The following MYH11 variants were observed in gnomAD, a reference collection of about 807,000 sequenced individuals.
MYH11 encodes myosin heavy chain 11, also known as myosin-11.
Under a neutral mutation model 246.6 loss-of-function variants are expected in MYH11, and 80 were observed. The ratio of observed to expected loss-of-function variants is 0.32; its 90% CI spans 0.27 to 0.39. The LOEUF is 0.39. Ranked by LOEUF, MYH11 falls within the 10% of genes least tolerant of loss-of-function variation. The pLI is 1.00. For missense variants in MYH11, 2,158 were observed against 2,546.8 expected (o/e 0.85, Z 3.29); for synonymous variants, 1,071 against 1,015.5 (o/e 1.05, Z -1.04).
intron 2 of MYH11, 142 bp from the exon 3 acceptor site, chr16:15,823,553 A>AG: frequency 2.8e-6 from 3 of 1,067,272 alleles, no homozygotes; most frequent in Non-Finnish European, 4.3e-6. Context: ...CTGATATTCC[A>AG]GGTACGTGGG....
At chr16:15,804,692 C>T (rs1017361991) in intron 3 of MYH11, among the ~76,000 whole-genome samples, 2 of 152,128 alleles carry the variant, frequency 1.3e-5, no homozygotes, top group Non-Finnish European at 2.9e-5. Flanking sequence ...CCCTTGCAAC[C>T]GCCAATTTGC....
chr16:15,790,580 A>G lies in MYH11; in HGVS notation c.531-3848T>C, dbSNP rs2042585549. On this transcript the variant is annotated intron_variant, in intron 4 of 40. Coordinates refer to ENST00000300036, the MANE Select transcript of MYH11 (RefSeq NM_002474.3). The stretch of plus-strand genomic sequence containing the variant: ...TTGATGTGCTTAGAGCTGGTTCTAG[A>G]AACATTCATAGCTTGGCTTTTCTGA... 2.6e-5 allele frequency among the ~76,000 whole-genome samples: 4 copies of G among 152,256 alleles called. No individual in the cohort carries two copies. In the South Asian group the frequency reaches 8.3e-4, roughly 32 times the overall value.
At chr16:15,829,251 A>G (rs1442084281) in intron 2 of MYH11, among the ~76,000 whole-genome samples, 4 of 152,142 alleles carry the variant, frequency 2.6e-5, no homozygotes, top group Non-Finnish European at 4.4e-5. Context: ...TTTCAACTCC[A>G]TCACTAGCTT....
In MYH11 at chr16:15,838,114, C is replaced by T; in HGVS notation, c.139G>A (p.Ala47Thr). 6.2e-7 allele frequency: 1 copy of T among 1,614,132 alleles called. No homozygotes were observed. The highest frequency in any genetic ancestry group is 8.5e-7 in the Non-Finnish European group (1 of 1,180,026). ...WVPSEKQGFE[A>T]ASIKEEKGDE... ...CCCTTCTCCTCCTTAATGCTGGCTG[C>T]CTCGAAGCCCTGCTTCTCCGAGGGG... Residue 47 changes from alanine (A) to threonine (T), a missense_variant, in exon 2 of 41, where the codon GCA becomes ACA. This residue lies in a region of MYH11 where 96 missense variants were observed against 91.9 expected (regional missense o/e 1.04). Coordinates refer to ENST00000300036, the MANE Select transcript of MYH11 (RefSeq NM_002474.3).
At position 15,706,257 on chromosome 16, in the gene MYH11, A is replaced by G. The variant is rs190425626; in HGVS notation, c.5787-2134T>C. Among the ~76,000 whole-genome samples the G allele has an allele frequency of 5.1e-3, 770 of 152,212 alleles. 19 individuals are homozygous for G. Among genetic ancestry groups the G allele is most frequent in the Admixed American group, 0.046 (706 of 15,280 alleles). ...GAACTCTCCATCCTTCTCTCTCTAG[A>G]TGTGACCCTTAAGTCTTTTTCTTTT... is the stretch of plus-strand genomic sequence containing the variant. On this transcript the variant is annotated intron_variant, in intron 40 of 40. Coordinates refer to ENST00000300036, the MANE Select transcript of MYH11 (RefSeq NM_002474.3).
At chr16:15,835,549 C>T (rs1163210163) in intron 2 of MYH11, among the ~76,000 whole-genome samples, 1 of 152,090 alleles carries the variant, frequency 6.6e-6, no homozygotes, top group Non-Finnish European at 1.5e-5. Flanking sequence ...GCAAAATGTA[C>T]AGACCAGAAC....
intron 4 of MYH11, among the ~76,000 whole-genome samples, chr16:15,787,290 C>T (rs1027091322): frequency 6.6e-6 from 1 of 151,768 alleles, no homozygotes; most frequent in Non-Finnish European, 1.5e-5. Flanking sequence ...TGCCTGTAGT[C>T]CCAGCTACTC....
Position 15,745,179 on chromosome 16 carries a change from C to T in MYH11, c.2470G>A (p.Ala824Thr), listed in dbSNP as rs773612208. The T allele has an allele frequency of 5.6e-6, 9 of 1,613,980 alleles. No homozygotes were observed. Among genetic ancestry groups the T allele is most frequent in the East Asian group, 2.2e-5 (1 of 44,878 alleles). Reference protein sequence around the residue: ...TAMKVIQRNCAAYLKLRNWQW... With the variant: ...TAMKVIQRNCTAYLKLRNWQW... ...CAGTTCCGCAGCTTGAGGTAGGCGG[C>T]GCAGTTCCTCTGAATCACCTTCATG... The change falls in exon 20 of 41, where the codon GCC becomes ACC. Residue 824 changes from alanine (A) to threonine (T), a missense_variant. Physicochemically the swap from Ala to Thr is moderately conservative, Grantham distance 58 (BLOSUM62 0). Around this residue, in one of 11 missense-constraint regions of MYH11, gnomAD observed 90 missense variants for 144.2 expected, o/e 0.62. Transcript: ENST00000300036.
chr16:15,817,708 G>C (rs2043296850), intron 3 of MYH11, among the ~76,000 whole-genome samples: 1 of 152,044 alleles, frequency 6.6e-6, no homozygotes, highest in African/African-American at 2.4e-5. Context: ...GGCAGCAAAG[G>C]GCTGAGCTCT....
intron 3 of MYH11, among the ~76,000 whole-genome samples, chr16:15,806,583 G>A (rs1648589515): frequency 6.6e-6 from 1 of 152,166 alleles, no homozygotes; most frequent in South Asian, 2.1e-4. Context: ...GGTGTGAACT[G>A]TATCCTTAAA....
At chr16:15,719,466 T>C (rs771480660) in intron 35 of MYH11, 119 bp downstream of exon 35, 15 of 1,541,038 alleles carry the variant, frequency 9.7e-6, no homozygotes, top group Non-Finnish European at 1.3e-5. Context: ...TGTGTCTTTC[T>C]AGACAGGTGG....
intron 4 of MYH11, among the ~76,000 whole-genome samples, chr16:15,792,947 C>T (rs1285225446): frequency 1.3e-5 from 2 of 152,114 alleles, no homozygotes; most frequent in African/African-American, 4.8e-5. Context: ...GTTGGCCAGG[C>T]TGGTCTTGAA....
chr16:15,756,688 C>T (rs939786548), intron 13 of MYH11, among the ~76,000 whole-genome samples, 174 bp from the exon 14 acceptor site: 4 of 152,140 alleles, frequency 2.6e-5, no homozygotes, highest in Non-Finnish European at 5.9e-5. Flanking sequence ...CTTCAAATTA[C>T]CCTGTGCCCA....
chr16:15,832,140 G>A (rs966785994), intron 2 of MYH11, among the ~76,000 whole-genome samples: 4 of 152,034 alleles, frequency 2.6e-5, no homozygotes, highest in Admixed American at 6.6e-5. Context: ...TCTCTAAGGC[G>A]GAAAAATTGT....
intron 6 of MYH11, 93 bp downstream of exon 6, chr16:15,782,292 C>T: frequency 9.5e-7 from 1 of 1,048,744 alleles, no homozygotes; most frequent in South Asian, 1.3e-5. Context: ...GGGTCAGATG[C>T]CCCTCCCACC....
rs142227497 is a variant in MYH11 at position 15,726,889 on chromosome 16, G to C, written c.3817C>G (p.Arg1273Gly). 1 of 1,612,170 alleles carries C rather than the reference G, an allele frequency of 6.2e-7. No individual in the cohort carries two copies. The highest frequency in any genetic ancestry group is 1.7e-5 in the Admixed American group (1 of 59,986). Residue 1273 changes from arginine (R) to glycine (G), a missense_variant, in exon 28 of 41, where the codon CGG (arginine) becomes GGG (glycine). By Grantham distance (125) the Arg-to-Gly change is moderately radical. Coordinates refer to ENST00000300036, the MANE Select transcript of MYH11 (RefSeq NM_002474.3). ...TTGTCATTGAGCTCCGCCCGGGCCCGCTCCCCATCGCTGCACTTGGACTGC... is the reference window on the plus strand; with the variant it reads ...TTGTCATTGAGCTCCGCCCGGGCCCCCTCCCCATCGCTGCACTTGGACTGC... ...ELQSKCSDGE[R>G]ARAELNDKVH...
At chr16:15,806,255 C>A (rs1409457996) in intron 3 of MYH11, among the ~76,000 whole-genome samples, 3 of 123,708 alleles carry the variant, frequency 2.4e-5, no homozygotes, top group Non-Finnish European at 3.2e-5. Flanking sequence ...CCAGCCCGGG[C>A]GAGTGCAGTG....
intron 13 of MYH11, among the ~76,000 whole-genome samples, chr16:15,757,306 A>G (rs1475781122): frequency 6.7e-6 from 1 of 150,012 alleles, no homozygotes; most frequent in Non-Finnish European, 1.5e-5. Context: ...ACAGGCGTGC[A>G]CCACCAGGCC....
intron 5 of MYH11, chr16:15,786,246 C>A: frequency 2.7e-6 from 1 of 373,960 alleles, no homozygotes; most frequent in Non-Finnish European, 5.2e-6. Flanking sequence ...CGGCATCTGG[C>A]GGGTCGAGGC....
Sources: allele counts gnomAD v4.1 joint callset (sites outside exome capture counted in the v4.1 genomes callset), GRCh38; gene constraint gnomAD v4.1.1; regional missense constraint gnomAD v4.1.1; transcripts MANE v1.5; gene names NCBI Gene and HGNC (gene_info 2026-07-23, HGNC 2026-07-21).